The following CMTM8 variants were observed in gnomAD, a reference collection of about 807,000 sequenced individuals.
CMTM8 encodes the protein CKLF like MARVEL transmembrane domain containing 8.
A neutral mutation model predicts 18.6 loss-of-function variants in CMTM8; 12 were observed. The ratio of observed to expected loss-of-function variants is 0.65; its 90% CI spans 0.41 to 1.05. The LOEUF (loss-of-function observed/expected upper bound fraction) is 1.05, where lower values mean the gene tolerates loss of function less well. Among genes scored for constraint, CMTM8 ranks in the 50% least tolerant of loss-of-function variants. The pLI is 0.00. For synonymous variants in CMTM8, 87 were observed against 90.6 expected (o/e 0.96, Z 0.23); for missense variants, 217 against 227.2 (o/e 0.95, Z 0.29).
chr3:32,343,951 G>A (rs984497126), intron 1 of CMTM8, among the ~76,000 whole-genome samples: 17 of 152,068 alleles, frequency 1.1e-4, no homozygotes, highest in Admixed American at 7.9e-4. Context: ...TCTGCCCTTC[G>A]CAGCCTCCCA....
rs533694355 is a variant in CMTM8, at chr3:32,260,266, G to A, written c.147+21147G>A. 3.3e-5 allele frequency: 39 copies of A among 1,185,108 alleles called. No individual in the cohort carries two copies. The African/African-American group carries it at 4.8e-4, about 15-fold the overall frequency. 73.4% of individuals were successfully genotyped at this position (1,185,108 alleles called of 1,614,324 possible). On this transcript the variant is annotated intron_variant, in intron 1 of 3. Transcript: ENST00000307526. The stretch of plus-strand genomic sequence containing the variant: ...GCAGGGTACCCTTTGGGGATCAGGA[G>A]GCCAATAAAAAGTTCAGAGGTCATT...
chr3:32,337,675 G>T (rs1264870431), intron 1 of CMTM8, among the ~76,000 whole-genome samples: 1 of 152,204 alleles, frequency 6.6e-6, no homozygotes, highest in Non-Finnish European at 1.5e-5. Context: ...AAGACACCTT[G>T]CTGGGCTCCT....
intron 1 of CMTM8, among the ~76,000 whole-genome samples, chr3:32,255,976 C>T (rs1423546417): frequency 2.6e-5 from 4 of 152,174 alleles, no homozygotes; most frequent in Non-Finnish European, 5.9e-5. Flanking sequence ...AATACGCCTG[C>T]GTTGGCCTCC....
chr3:32,264,059 A>G (rs9838684), intron 1 of CMTM8, among the ~76,000 whole-genome samples: 8,069 of 152,284 alleles, frequency 0.053, 665 homozygotes, highest in East Asian at 0.43. Flanking sequence ...TCCCCAATCT[A>G]GCAAGGCAGG....
At chr3:32,351,117 A>T (rs1696699081) in intron 1 of CMTM8, among the ~76,000 whole-genome samples, 1 of 152,264 alleles carries the variant, frequency 6.6e-6, no homozygotes, top group African/African-American at 2.4e-5. Flanking sequence ...TTGAAGCTAC[A>T]GTCATTGGCA....
At chr3:32,339,678 G>A (rs1018424584) in intron 1 of CMTM8, among the ~76,000 whole-genome samples, 3 of 152,152 alleles carry the variant, frequency 2.0e-5, no homozygotes, top group African/African-American at 7.2e-5. Context: ...ACTCTGCAGG[G>A]GTAGGCCGGG....
rs747470188 is a variant in CMTM8 at position 32,369,991 on chromosome 3, G to GA, written c.*33dup. On this transcript the variant is annotated 3_prime_UTR_variant, in exon 4 of 4. Transcript: ENST00000307526. The stretch of plus-strand genomic sequence containing the variant: ...GATTTACCATTTTGATAATTAAAAG[G>GA]AAAAAAAAAGGAAGACTCTCACTGT... 1,526 of 1,354,384 alleles carry GA rather than the reference G, an allele frequency of 1.1e-3. No homozygotes were observed. The highest frequency in any genetic ancestry group is 1.6e-3 in the South Asian group (120 of 73,296). 83.9% of individuals were successfully genotyped at this position (1,354,384 alleles called of 1,614,324 possible). A position where few individuals can be genotyped will look rare whatever the true frequency, so the allele number is the denominator to read the frequency against.
chr3:32,332,776 T>C (rs1696305758), intron 1 of CMTM8, among the ~76,000 whole-genome samples: 1 of 152,172 alleles, frequency 6.6e-6, no homozygotes, highest in African/African-American at 2.4e-5. Flanking sequence ...CAAACTCTGT[T>C]GGACTTGGGA....
chr3:32,264,624 G>A (rs532855603), intron 1 of CMTM8, among the ~76,000 whole-genome samples: 1 of 152,130 alleles, frequency 6.6e-6, no homozygotes, highest in African/African-American at 2.4e-5. Flanking sequence ...ATGTAAATGG[G>A]CTAAATGCTC....
chr3:32,343,907 G>A (rs1696548011), intron 1 of CMTM8, among the ~76,000 whole-genome samples: 1 of 152,174 alleles, frequency 6.6e-6, no homozygotes, highest in Non-Finnish European at 1.5e-5. Flanking sequence ...CACCACGTTG[G>A]CCAGGCTGGT....
chr3:32,241,689 G>A (rs1701947379), intron 1 of CMTM8, among the ~76,000 whole-genome samples: 4 of 152,204 alleles, frequency 2.6e-5, no homozygotes, highest in Admixed American at 2.6e-4. Context: ...TTATCAGGAT[G>A]TAACCTCATT....
At chr3:32,368,110 TG>T in intron 3 of CMTM8, 122 bp downstream of exon 3, 2 of 709,174 alleles carry the variant, frequency 2.8e-6, no homozygotes, top group Non-Finnish European at 5.0e-6. Context: ...AATTAGCAAT[TG>T]GCTTATTGAT....
chr3:32,294,769 CTG>C (rs1702844789), intron 1 of CMTM8, among the ~76,000 whole-genome samples: 3 of 152,220 alleles, frequency 2.0e-5, no homozygotes, highest in African/African-American at 7.2e-5. Context: ...AAACACAAAA[CTG>C]TGGCCAGATG....
intron 1 of CMTM8, among the ~76,000 whole-genome samples, chr3:32,333,058 G>C (rs998867583): frequency 1.3e-5 from 2 of 152,166 alleles, no homozygotes; most frequent in African/African-American, 4.8e-5. Context: ...GGCCAGAATA[G>C]TAAATATTTT....
At chr3:32,270,530 CT>C (rs1279856367) in intron 1 of CMTM8, among the ~76,000 whole-genome samples, 1 of 152,198 alleles carries the variant, frequency 6.6e-6, no homozygotes, top group African/African-American at 2.4e-5. Context: ...CCGTGGAATA[CT>C]ATGCAGCCAT....
chr3:32,262,715 G>A (rs968540096), intron 1 of CMTM8, among the ~76,000 whole-genome samples: 3 of 152,166 alleles, frequency 2.0e-5, no homozygotes, highest in South Asian at 2.1e-4. Context: ...AAAATACACC[G>A]AAGCTCTGTC....
intron 1 of CMTM8, among the ~76,000 whole-genome samples, chr3:32,308,042 A>ATT (rs1695750712): frequency 6.6e-6 from 1 of 152,238 alleles, no homozygotes; most frequent in Non-Finnish European, 1.5e-5. Flanking sequence ...ATTCAAAAGG[A>ATT]GAAGAGAGCA....
At chr3:32,277,994 A>G (rs2125547839) in intron 1 of CMTM8, among the ~76,000 whole-genome samples, 1 of 152,330 alleles carries the variant, frequency 6.6e-6, no homozygotes, top group East Asian at 1.9e-4. Flanking sequence ...CAAAGCACTA[A>G]TTGCCCAGGG....
chr3:32,368,730 G>A (rs1293131525), intron 3 of CMTM8, among the ~76,000 whole-genome samples: 1 of 152,020 alleles, frequency 6.6e-6, no homozygotes, highest in Non-Finnish European at 1.5e-5. Flanking sequence ...CCAAAGTGCT[G>A]GAATTACAGG....
Sources: allele counts gnomAD v4.1 joint callset (sites outside exome capture counted in the v4.1 genomes callset), GRCh38; gene constraint gnomAD v4.1.1; transcripts MANE v1.5; gene names NCBI Gene and HGNC (gene_info 2026-07-23, HGNC 2026-07-21).